The following UBE2G1 variants were observed in gnomAD, a reference collection of about 807,000 sequenced individuals.
UBE2G1 encodes ubiquitin-conjugating enzyme E2 G1.
A neutral mutation model predicts 22.7 loss-of-function variants in UBE2G1; 5 were observed. That is an observed-to-expected ratio of 0.22 (90% CI 0.12 to 0.46). The LOEUF (loss-of-function observed/expected upper bound fraction) is 0.46, where lower values mean the gene tolerates loss of function less well. Among genes scored for constraint, UBE2G1 ranks in the 20% least tolerant of loss-of-function variants. UBE2G1 has a pLI of 0.99. For synonymous variants in UBE2G1, 74 were observed against 67.5 expected (o/e 1.10, Z -0.47); for missense variants, 88 against 203.9 (o/e 0.43, Z 3.46).
chr17:4,273,704 T>C (rs1344709608), intron 5 of UBE2G1, among the ~76,000 whole-genome samples: 1 of 137,334 alleles, frequency 7.3e-6, no homozygotes, highest in Non-Finnish European at 1.5e-5. Flanking sequence ...TATATTAATA[T>C]GTGCTTTGAA....
At chr17:4,340,064 T>G (rs1379332663) in intron 1 of UBE2G1, among the ~76,000 whole-genome samples, 1 of 152,186 alleles carries the variant, frequency 6.6e-6, no homozygotes, top group Non-Finnish European at 1.5e-5. Flanking sequence ...CCTGATTAGC[T>G]GGGAACACAG....
chr17:4,348,047 C>T (rs549209343), intron 1 of UBE2G1, among the ~76,000 whole-genome samples: 12 of 152,316 alleles, frequency 7.9e-5, no homozygotes, highest in Non-Finnish European at 1.6e-4. Context: ...AGTGGTCTCA[C>T]TTTAAATCAA....
At chr17:4,312,463 G>A (rs1035704437) in intron 1 of UBE2G1, among the ~76,000 whole-genome samples, 2 of 152,038 alleles carry the variant, frequency 1.3e-5, no homozygotes, top group African/African-American at 2.4e-5. Flanking sequence ...TAGGGAGGCC[G>A]AGGCAGGCGG....
intron 2 of UBE2G1, among the ~76,000 whole-genome samples, chr17:4,305,188 C>T (rs560167958): frequency 2.2e-4 from 34 of 152,266 alleles, no homozygotes; most frequent in Non-Finnish European, 4.7e-4. Context: ...CTCTCGACCT[C>T]AGGTGATCCT....
chr17:4,286,774 G>A (rs1968968729), intron 4 of UBE2G1, among the ~76,000 whole-genome samples: 1 of 152,170 alleles, frequency 6.6e-6, no homozygotes, highest in Admixed American at 6.5e-5. Flanking sequence ...AGGTGCAGTA[G>A]CTCATGCCTG....
At chr17:4,336,937 G>A (rs1377366325) in intron 1 of UBE2G1, among the ~76,000 whole-genome samples, 1 of 152,022 alleles carries the variant, frequency 6.6e-6, no homozygotes. Flanking sequence ...CATCAATTTA[G>A]GCCATTAACA....
intron 1 of UBE2G1, among the ~76,000 whole-genome samples, 157 bp downstream of exon 1, chr17:4,366,114 G>T (rs537995502): frequency 1.3e-5 from 2 of 152,248 alleles, no homozygotes; most frequent in Admixed American, 6.5e-5. Flanking sequence ...GGGCGAGAAC[G>T]GCTGGGCCCG....
At chr17:4,300,652 G>C (rs1969166780) in intron 2 of UBE2G1, among the ~76,000 whole-genome samples, 1 of 151,524 alleles carries the variant, frequency 6.6e-6, no homozygotes, top group African/African-American at 2.4e-5. Flanking sequence ...TATAGTATAA[G>C]TACTATCATG....
At chr17:4,322,421 TAGG>T (rs944319289) in intron 1 of UBE2G1, among the ~76,000 whole-genome samples, 9 of 152,316 alleles carry the variant, frequency 5.9e-5, no homozygotes, top group South Asian at 2.1e-4. Context: ...AAGATGGCAT[TAGG>T]AGATTATATT....
chr17:4,270,549 T>TA lies in UBE2G1; in HGVS notation c.*2004dup, dbSNP rs11433380. Reference sequence around the variant, plus strand: ...TGGGTGACAGAGAGACCCAGTTTCTTAAAAAAAAAAAAAAAAAAGTAAAAA... The same window carrying TA: ...TGGGTGACAGAGAGACCCAGTTTCTTAAAAAAAAAAAAAAAAAAAGTAAAAA... On this transcript the variant is annotated 3_prime_UTR_variant, in exon 6 of 6. Coordinates refer to ENST00000396981, the MANE Select transcript of UBE2G1 (RefSeq NM_003342.5). 81,071 of 133,256 alleles carry TA rather than the reference T, an allele frequency of 0.61. 25,091 individuals are homozygous for TA. The highest frequency in any genetic ancestry group is 0.8 in the East Asian group (3,725 of 4,628). 8.3% of individuals were successfully genotyped at this position (133,256 alleles called of 1,614,324 possible).
At chr17:4,336,485 T>C (rs530694326) in intron 1 of UBE2G1, among the ~76,000 whole-genome samples, 2 of 152,274 alleles carry the variant, frequency 1.3e-5, no homozygotes, top group East Asian at 1.9e-4. Flanking sequence ...TATAAAGATA[T>C]GTTATAAAAC....
intron 1 of UBE2G1, among the ~76,000 whole-genome samples, chr17:4,330,664 G>C (rs1233354611): frequency 4.6e-5 from 7 of 152,088 alleles, no homozygotes; most frequent in Admixed American, 2.6e-4. Context: ...TTGAACCCAG[G>C]AGGCGGAGGT....
chr17:4,328,355 A>G (rs1969525679), intron 1 of UBE2G1, among the ~76,000 whole-genome samples: 1 of 152,216 alleles, frequency 6.6e-6, no homozygotes, highest in Non-Finnish European at 1.5e-5. Flanking sequence ...ATATCAACAT[A>G]CTGGTTTTGC....
At chr17:4,272,829 A>T (rs1968776513) in intron 5 of UBE2G1, among the ~76,000 whole-genome samples, 1 of 152,048 alleles carries the variant, frequency 6.6e-6, no homozygotes, top group Non-Finnish European at 1.5e-5. Flanking sequence ...ATCATCACAG[A>T]ACGTTCTACT....
intron 2 of UBE2G1, chr17:4,301,958 C>A (rs1415052380): frequency 6.2e-6 from 3 of 480,254 alleles, no homozygotes; most frequent in Admixed American, 2.3e-5. Flanking sequence ...AAAATGTATT[C>A]TTTCACTAAT....
chr17:4,353,344 G>T lies in UBE2G1; in HGVS notation c.46+12927C>A, dbSNP rs1280682936. On this transcript the variant is annotated intron_variant, in intron 1 of 5. Transcript: ENST00000396981. ...TGGAAAAGAAAAATATGTAAGAAGG[G>T]GGAAGAATGTGTATAATATTGTGGT... is the stretch of plus-strand genomic sequence containing the variant. 2.0e-5 allele frequency among the ~76,000 whole-genome samples: 3 copies of T among 151,856 alleles called. No homozygotes were observed. The East Asian group carries it at 5.8e-4, about 29-fold the overall frequency.
At chr17:4,363,289 AC>A (rs1441148683) in intron 1 of UBE2G1, among the ~76,000 whole-genome samples, 1 of 152,182 alleles carries the variant, frequency 6.6e-6, no homozygotes, top group Admixed American at 6.5e-5. Context: ...AAAATTAAAA[AC>A]AATCCCATTG....
At chr17:4,352,839 C>G (rs754757221) in intron 1 of UBE2G1, among the ~76,000 whole-genome samples, 1 of 152,060 alleles carries the variant, frequency 6.6e-6, no homozygotes, top group Non-Finnish European at 1.5e-5. Flanking sequence ...CTTTGGGAGG[C>G]CGAGGCGGGC....
intron 1 of UBE2G1, among the ~76,000 whole-genome samples, chr17:4,328,704 G>C (rs1046075283): frequency 6.6e-6 from 1 of 152,204 alleles, no homozygotes; most frequent in Non-Finnish European, 1.5e-5. Context: ...TAAGCACGTA[G>C]AAAATTGGAA....
Sources: allele counts gnomAD v4.1 joint callset (sites outside exome capture counted in the v4.1 genomes callset), GRCh38; gene constraint gnomAD v4.1.1; transcripts MANE v1.5; gene names NCBI Gene and HGNC (gene_info 2026-07-23, HGNC 2026-07-21).